CPLANE1: variants seen among roughly 807,000 people sequenced by gnomAD.
The protein encoded by CPLANE1 is ciliogenesis and planar polarity effector 1.
CPLANE1 carries 263 observed loss-of-function variants against 362.5 expected under a neutral mutation model. The ratio of observed to expected loss-of-function variants is 0.73; its 90% confidence interval spans 0.66 to 0.80. The LOEUF (loss-of-function observed/expected upper bound fraction) is 0.80. Ranked by LOEUF, CPLANE1 falls within the 30% of genes least tolerant of loss-of-function variation. The pLI is 0.00. For synonymous variants in CPLANE1, 1,212 were observed against 1,302.6 expected, an observed-to-expected ratio of 0.93 and a Z score of 1.50; for missense variants, 3,461 against 3,793.4, an observed-to-expected ratio of 0.91 and a Z score of 2.30.
rs1036249460 is a variant in CPLANE1 at position 37,201,815 on chromosome 5, A to C, written c.3290-7T>G. 6.3e-7 allele frequency: 1 copy of C among 1,584,772 alleles called. No individual in the cohort carries two copies. Among genetic ancestry groups the C allele is most frequent in the African/African-American group, 1.3e-5 (1 of 74,144 alleles). Reference sequence around the variant, plus strand: ...TCTTCCTCTTCAATGGGATCTATCAAATACAAAAATTTGGTAAAATAGTTA... The same window carrying C: ...TCTTCCTCTTCAATGGGATCTATCACATACAAAAATTTGGTAAAATAGTTA... On this transcript the variant is annotated splice_region_variant and splice_polypyrimidine_tract_variant and intron_variant, in intron 18 of 52. Coordinates refer to ENST00000651892, the MANE Select transcript of CPLANE1 (RefSeq NM_001384732.1).
At position 37,120,243 on chromosome 5, in the gene CPLANE1, G is replaced by T. The variant is rs1762252028; in HGVS notation, c.9283C>A (p.Gln3095Lys). The T allele has an allele frequency of 6.2e-7, 1 of 1,603,744 alleles. No homozygotes were observed. The highest frequency in any genetic ancestry group is 1.3e-5 in the African/African-American group (1 of 74,266). ...SYIHKRKSFG[Q>K]PQGSPWPHGT... Reference sequence around the variant, plus strand: ...TGTGGCCAAGGTGAGCCTTGAGGTTGCCCAAAAGACTTCCTCTTATGGATA... The same window carrying T: ...TGTGGCCAAGGTGAGCCTTGAGGTTTCCCAAAAGACTTCCTCTTATGGATA... Residue 3095 changes from glutamine (Q) to lysine (K), a missense_variant, in exon 50 of 53, where the codon CAA (glutamine) becomes AAA (lysine). Gln to Lys is a moderately conservative substitution (Grantham distance 53). Coordinates refer to ENST00000651892, the MANE Select transcript of CPLANE1 (RefSeq NM_001384732.1).
chr5:37,140,345 A>G (rs1769292375), intron 44 of CPLANE1: 1 of 980,272 alleles, frequency 1.0e-6, no homozygotes, highest in African/African-American at 1.7e-5. Context: ...TCTTGAAAAC[A>G]TATTGTTCTA....
intron 46 of CPLANE1, among the ~76,000 whole-genome samples, chr5:37,137,858 C>T (rs897000292): frequency 2.0e-5 from 3 of 151,896 alleles, no homozygotes; most frequent in African/African-American, 7.3e-5. Flanking sequence ...ATGGGAACTA[C>T]AATTCAAGCT....
At chr5:37,159,127 C>T (rs1561443231) in intron 38 of CPLANE1, among the ~76,000 whole-genome samples, 4 of 84,668 alleles carry the variant, frequency 4.7e-5, no homozygotes, top group Non-Finnish European at 6.2e-5. Context: ...TTTTTTGAGA[C>T]GGAGTCTCGC....
intron 18 of CPLANE1, chr5:37,205,055 G>T (rs192391659): frequency 1.9e-3 from 385 of 199,140 alleles, no homozygotes; most frequent in African/African-American, 8.4e-3. Flanking sequence ...TACTCGGGAA[G>T]CTGAAGCAGG....
chr5:37,081,150 T>C, the CPLANE1 span, among the ~76,000 whole-genome samples: 1 of 151,712 alleles, frequency 6.6e-6, no homozygotes, highest in Non-Finnish European at 1.5e-5. Flanking sequence ...CATAAGTAAA[T>C]AAATAAATAA....
chr5:37,076,086 A>C, the CPLANE1 span, among the ~76,000 whole-genome samples: 1 of 151,248 alleles, frequency 6.6e-6, no homozygotes, highest in African/African-American at 2.4e-5. Flanking sequence ...CAATCACTAC[A>C]AAAAAAACAA....
rs1554080188 is a variant in CPLANE1 at position 37,177,620 on chromosome 5, C to A, written c.5900+1G>T. On this transcript the variant is annotated splice_donor_variant, in intron 30 of 52. Transcript: ENST00000651892. LOFTEE classifies it high-confidence loss of function. Reference sequence around the variant, plus strand: ...CACTGTCATACTTTTTTCCCCCTTACCCTTTTTGTTCAGTCGATTTTTCCT... The same window carrying A: ...CACTGTCATACTTTTTTCCCCCTTAACCTTTTTGTTCAGTCGATTTTTCCT... 2 of 1,610,916 alleles carry A rather than the reference C, an allele frequency of 1.2e-6. No homozygotes were observed. Among genetic ancestry groups the A allele is most frequent in the African/African-American group, 2.7e-5 (2 of 74,928 alleles).
At chr5:37,214,217 C>A (rs779254414) in intron 15 of CPLANE1, among the ~76,000 whole-genome samples, 1 of 152,198 alleles carries the variant, frequency 6.6e-6, no homozygotes, top group African/African-American at 2.4e-5. Flanking sequence ...ATAATCCCAG[C>A]ACTTTGGAAG....
At chr5:37,220,308 G>A (rs1795086147) in intron 15 of CPLANE1, among the ~76,000 whole-genome samples, 1 of 150,290 alleles carries the variant, frequency 6.7e-6, no homozygotes, top group South Asian at 2.1e-4. Flanking sequence ...AAACAATCAA[G>A]AATGAAATTG....
chr5:37,084,562 G>A, the CPLANE1 span, among the ~76,000 whole-genome samples: 8 of 151,920 alleles, frequency 5.3e-5, no homozygotes, highest in East Asian at 5.8e-4. Context: ...GGCAGATCAC[G>A]AGGTCAGGAG....
chr5:37,205,090 G>A, intron 18 of CPLANE1: 1 of 255,812 alleles, frequency 3.9e-6, no homozygotes, highest in Non-Finnish European at 7.2e-6. Context: ...CCGGCAGGTA[G>A]AGTTTGCAGT....
chr5:37,197,995 A>G (rs1364226455), intron 20 of CPLANE1, among the ~76,000 whole-genome samples: 1 of 152,224 alleles, frequency 6.6e-6, no homozygotes, highest in African/African-American at 2.4e-5. Context: ...AAAGGTTCCT[A>G]CTAAAAATAA....
At chr5:37,176,082 C>T (rs1781088997) in intron 30 of CPLANE1, 96 bp from the exon 31 acceptor site, 2 of 773,820 alleles carry the variant, frequency 2.6e-6, no homozygotes, top group African/African-American at 1.7e-5. Context: ...AGAGTCTAAA[C>T]ATCCTCTAAT....
Position 37,121,629 on chromosome 5 carries a change from G to C in CPLANE1, c.9173C>G (p.Pro3058Arg), listed in dbSNP as rs1412478483. 6.2e-7 allele frequency: 1 copy of C among 1,614,096 alleles called. No individual in the cohort carries two copies. Among genetic ancestry groups the C allele is most frequent in the East Asian group, 2.2e-5 (1 of 44,880 alleles). ...PTQSSSCQHC[P>R]SPRGENQHGH... ...AACCTTGTCTTACCCTCTTGGAGAA[G>C]GGCAGTGTTGACAACTGGAAGACTG... Residue 3058 changes from proline to arginine, a missense_variant, in exon 49 of 53, where the codon CCT becomes CGT. Physicochemically the swap from Pro to Arg is moderately radical, Grantham distance 103 (BLOSUM62 -2). Coordinates refer to ENST00000651892, the MANE Select transcript of CPLANE1 (RefSeq NM_001384732.1).
chr5:37,227,547 T>C (rs1028674675), intron 10 of CPLANE1, 21 bp downstream of exon 10: 1 of 1,514,018 alleles, frequency 6.6e-7, no homozygotes, highest in East Asian at 2.5e-5. Flanking sequence ...CTTTCCCCAA[T>C]GATATAAAAA....
At chr5:37,086,853 C>T in the CPLANE1 span, among the ~76,000 whole-genome samples, 7 of 152,180 alleles carry the variant, frequency 4.6e-5, no homozygotes, top group Non-Finnish European at 1.5e-5. Flanking sequence ...AAGTCAGGGT[C>T]TGCAGGACAG....
chr5:37,094,274 C>G, the CPLANE1 span, among the ~76,000 whole-genome samples: 1 of 152,192 alleles, frequency 6.6e-6, no homozygotes, highest in Non-Finnish European at 1.5e-5. Context: ...CCACAGAAAT[C>G]AACTCCAAAA....
Position 37,210,388 on chromosome 5 carries a change from A to G in CPLANE1, c.2920+3171T>C, listed in dbSNP as rs893886037. On this transcript the variant is annotated intron_variant, in intron 16 of 52. Transcript: ENST00000651892. ...AATATAAAGAGTTTTGAGAAGACCT[A>G]TGACCAAAAACTCAAGAATGAACTC... 1.5e-5 allele frequency: 15 copies of G among 1,033,448 alleles called. No homozygotes were observed. The South Asian group carries it at 1.8e-4, about 13-fold the overall frequency. The allele number at this position is 1,033,448 out of a possible 1,614,324, so 64.0% of individuals were successfully genotyped here. A position where few individuals can be genotyped will look rare whatever the true frequency, so the allele number is the denominator to read the frequency against.
Sources: gnomAD v4.1 joint callset for allele counts (sites outside exome capture counted in the v4.1 genomes callset) on GRCh38, gnomAD v4.1.1 for gene constraint, MANE v1.5 for transcripts, NCBI Gene and HGNC (gene_info 2026-07-23, HGNC 2026-07-21) for gene names.